Variants in WLS observed in about 807,000 individuals in gnomAD.
The protein encoded by WLS is Wnt ligand secretion mediator, also known as protein wntless homolog.
In WLS, 23 loss-of-function variants were observed where a neutral mutation model predicts 62.8. That is an observed-to-expected ratio of 0.37 (90% confidence interval 0.26 to 0.52). WLS has a LOEUF of 0.52. Among genes scored for constraint, WLS ranks in the 20% least tolerant of loss-of-function variants. The probability of loss-of-function intolerance (pLI) is 0.92; values close to 1 mark genes in which losing one functional copy is unlikely to be tolerated. For synonymous variants in WLS, 246 were observed against 244.1 expected, an observed-to-expected ratio of 1.01 and a Z score of -0.07; for missense variants, 615 against 697.3, an observed-to-expected ratio of 0.88 and a Z score of 1.33.
At chr1:68,146,705 G>T (rs904303077) in intron 8 of WLS, among the ~76,000 whole-genome samples, 1 of 152,172 alleles carries the variant, frequency 6.6e-6, no homozygotes, top group Non-Finnish European at 1.5e-5. Flanking sequence ...ACAGAATGGG[G>T]ATTCAAGGAC....
At chr1:68,151,079 A>G (rs1366128180) in intron 5 of WLS, among the ~76,000 whole-genome samples, 1 of 152,240 alleles carries the variant, frequency 6.6e-6, no homozygotes, top group Non-Finnish European at 1.5e-5. Context: ...AGACAACTGA[A>G]TAGATTAGGA....
At chr1:68,213,471 A>AT (rs1649603122) in intron 1 of WLS, among the ~76,000 whole-genome samples, 1 of 150,652 alleles carries the variant, frequency 6.6e-6, no homozygotes, top group African/African-American at 2.4e-5. Flanking sequence ...AAAAAAAAAA[A>AT]GGAAAGACGA....
intron 10 of WLS, among the ~76,000 whole-genome samples, chr1:68,142,070 C>T (rs1478339550): frequency 5.3e-5 from 8 of 152,216 alleles, no homozygotes; most frequent in Admixed American, 2.6e-4. Context: ...AGAAAAGCCA[C>T]GGACTATGCT....
chr1:68,210,509 A>G lies in WLS; in HGVS notation c.107-16282T>C, dbSNP rs527854158. On this transcript the variant is annotated intron_variant, in intron 1 of 11. Transcript: ENST00000262348. Reference sequence around the variant, plus strand: ...AACATTTAACCATCGTAATGTTCCAACTGGATTGAAAAACTAAACAAGCTG... The same window carrying G: ...AACATTTAACCATCGTAATGTTCCAGCTGGATTGAAAAACTAAACAAGCTG... Among the ~76,000 whole-genome samples, 14 of 152,342 alleles carry G rather than the reference A, an allele frequency of 9.2e-5. No individual in the cohort carries two copies. The East Asian group carries it at 2.5e-3, about 27-fold the overall frequency.
At chr1:68,126,578 T>A (rs952619058) in intron 11 of WLS, among the ~76,000 whole-genome samples, 1 of 152,220 alleles carries the variant, frequency 6.6e-6, no homozygotes, top group East Asian at 1.9e-4. Context: ...GTGAGTCAGC[T>A]CACTGCTGAT....
chr1:68,200,582 T>TA (rs1557516534), intron 1 of WLS, among the ~76,000 whole-genome samples: 1 of 150,116 alleles, frequency 6.7e-6, no homozygotes. Context: ...TTTTTTTTTT[T>TA]CCAGCTATTG....
chr1:68,171,127 C>A (rs1483164017), intron 2 of WLS, among the ~76,000 whole-genome samples: 1 of 152,108 alleles, frequency 6.6e-6, no homozygotes, highest in Admixed American at 6.6e-5. Flanking sequence ...GACCATCCAA[C>A]TCTATTTTTG....
chr1:68,179,027 A>G (rs746088848), intron 2 of WLS, among the ~76,000 whole-genome samples: 41 of 152,198 alleles, frequency 2.7e-4, no homozygotes, highest in Non-Finnish European at 5.0e-4. Flanking sequence ...CTAAAAATAC[A>G]CTTCCAGTAC....
At chr1:68,195,057 T>A (rs957033051) in intron 1 of WLS, among the ~76,000 whole-genome samples, 6 of 152,256 alleles carry the variant, frequency 3.9e-5, no homozygotes, top group African/African-American at 1.4e-4. Context: ...ATGCCATCTG[T>A]CTTTTCTATG....
At chr1:68,126,446 C>T in intron 11 of WLS, 111 bp from the exon 12 acceptor site, 1 of 1,384,110 alleles carries the variant, frequency 7.2e-7, no homozygotes, top group Non-Finnish European at 9.9e-7. Flanking sequence ...ATTCTGAGCA[C>T]ACAGAGACAC....
chr1:68,226,307 C>T (rs894585635), intron 1 of WLS, among the ~76,000 whole-genome samples: 2 of 152,066 alleles, frequency 1.3e-5, no homozygotes, highest in African/African-American at 4.8e-5. Context: ...GCTTTGACCA[C>T]GAGTAGCTAG....
At chr1:68,114,706 G>C (rs1488974979) in intron 11 of WLS, among the ~76,000 whole-genome samples, 1 of 152,190 alleles carries the variant, frequency 6.6e-6, no homozygotes, top group Non-Finnish European at 1.5e-5. Context: ...GCCAGCCCCT[G>C]AAGGCTGAGA....
rs6685330 is a variant in WLS, at chr1:68,197,683, C to T, written c.107-3456G>A. Among the ~76,000 whole-genome samples, 428 of 152,230 alleles carry T rather than the reference C, an allele frequency of 2.8e-3. 8 individuals carry two copies. The highest frequency in any genetic ancestry group is 9.5e-3 in the African/African-American group (393 of 41,552). ...TTTCTTTATATAGACAGCATTATCA[C>T]GTAAACCAAAAGCAAAGCTTACAGC... On this transcript the variant is annotated intron_variant, in intron 1 of 11. Coordinates refer to ENST00000262348, the MANE Select transcript of WLS (RefSeq NM_024911.7).
chr1:68,231,641 G>A, intron 1 of WLS: 1 of 428,946 alleles, frequency 2.3e-6, no homozygotes, highest in Non-Finnish European at 4.7e-6. Flanking sequence ...AGGGCGCGAA[G>A]GTCGGGACCC....
At chr1:68,208,098 T>C (rs1390448939) in intron 1 of WLS, among the ~76,000 whole-genome samples, 1 of 152,194 alleles carries the variant, frequency 6.6e-6, no homozygotes, top group Non-Finnish European at 1.5e-5. Flanking sequence ...AACTGGAACA[T>C]CTAAGATAAC....
intron 1 of WLS, chr1:68,202,244 A>G (rs1649058724): frequency 6.6e-6 from 1 of 152,248 alleles, no homozygotes; most frequent in African/African-American, 2.4e-5. Context: ...TTTAGGCTCA[A>G]GATTGGTGCT....
chr1:68,198,109 T>C (rs1648777633), intron 1 of WLS, among the ~76,000 whole-genome samples: 1 of 152,158 alleles, frequency 6.6e-6, no homozygotes, highest in Admixed American at 6.6e-5. Context: ...ACATTATAAA[T>C]GTCTCCTCCA....
chr1:68,114,271 A>G (rs1045144257), intron 11 of WLS, among the ~76,000 whole-genome samples: 2 of 152,206 alleles, frequency 1.3e-5, no homozygotes, highest in African/African-American at 4.8e-5. Context: ...ACTGCCAGCT[A>G]CTGGTTAACT....
chr1:68,176,338 G>A (rs1418621772), intron 2 of WLS: 1 of 152,248 alleles, frequency 6.6e-6, no homozygotes, highest in African/African-American at 2.4e-5. Flanking sequence ...AGCCAGCCCT[G>A]GGAGCACAGC....
Sources: allele counts gnomAD v4.1 joint callset (sites outside exome capture counted in the v4.1 genomes callset), GRCh38; gene constraint gnomAD v4.1.1; transcripts MANE v1.5; gene names NCBI Gene and HGNC (gene_info 2026-07-23, HGNC 2026-07-21).